The following FAM210A variants were observed in gnomAD, a reference collection of about 807,000 sequenced individuals.
FAM210A encodes mitochondrial inner membrane scaffold 1, also known as family with sequence similarity 210 member A.
Under a neutral mutation model 25.3 loss-of-function variants are expected in FAM210A, and 13 were observed. The observed-to-expected ratio is 0.51, with a 90% confidence interval of 0.33 to 0.82. The LOEUF (loss-of-function observed/expected upper bound fraction) is 0.82, where lower values mean the gene tolerates loss of function less well. Among genes scored for constraint, FAM210A ranks in the 40% least tolerant of loss-of-function variants. The probability of loss-of-function intolerance (pLI) is 0.02; values close to 1 mark genes in which losing one functional copy is unlikely to be tolerated. For missense variants in FAM210A, 319 were observed against 323.2 expected, an observed-to-expected ratio of 0.99 and a Z score of 0.10; for synonymous variants, 125 against 118.7, an observed-to-expected ratio of 1.05 and a Z score of -0.35.
intron 2 of FAM210A, among the ~76,000 whole-genome samples, chr18:13,674,844 C>T (rs2043477655): frequency 6.9e-6 from 1 of 143,898 alleles, no homozygotes; most frequent in Admixed American, 6.9e-5. Context: ...ATTCCTGAGC[C>T]CTGGCTTCTT....
intron 1 of FAM210A, among the ~76,000 whole-genome samples, chr18:13,713,740 A>ACACACACACACACACAC (rs1450875220): frequency 1.3e-5 from 2 of 151,806 alleles, no homozygotes; most frequent in Non-Finnish European, 2.9e-5. Context: ...ACACACACAC[A>ACACACACACACACACAC]CACACACACA....
Position 13,681,844 on chromosome 18 carries a change from T to C in FAM210A, c.234A>G (p.Pro78=), listed in dbSNP as rs759972433. The change falls in exon 2 of 4, where the codon CCA becomes CCG. Residue 78 remains proline (P), a synonymous_variant. Transcript: ENST00000651643. The stretch of plus-strand genomic sequence containing the variant: ...TCCCTTGCTTATGGCGAAGGACTCC[T>C]GGTTGGGGTGGATGAGCATCCAATG... ...RRPLDAHPPQ[P]GVLRHKQGKQ... The C allele has an allele frequency of 5.6e-6, 9 of 1,614,112 alleles. No homozygotes were observed. The South Asian group carries it at 7.7e-5, about 14-fold the overall frequency.
In FAM210A at chr18:13,681,908, T is replaced by C. The variant is rs770557083; in HGVS notation, c.170A>G (p.His57Arg). ...LVQGPQKQWL[H>R]LSAAQCVAKE... ...TGCAACACACTGGGCAGCAGATAAA[T>C]GCAACCATTGTTTTTGAGGGCCTTG... The change falls in exon 2 of 4, where the codon CAT (histidine) becomes CGT (arginine). Residue 57 changes from histidine to arginine, a missense_variant. Transcript: ENST00000651643. 3 of 1,614,182 alleles carry C rather than the reference T, an allele frequency of 1.9e-6. No individual in the cohort carries two copies. The highest frequency in any genetic ancestry group is 1.1e-5 in the South Asian group (1 of 91,080).
At chr18:13,705,869 T>A (rs1319303741) in intron 1 of FAM210A, among the ~76,000 whole-genome samples, 1 of 152,224 alleles carries the variant, frequency 6.6e-6, no homozygotes, top group Non-Finnish European at 1.5e-5. Context: ...TGATGGGTCA[T>A]TTAAACATTT....
intron 1 of FAM210A, among the ~76,000 whole-genome samples, chr18:13,691,086 A>T (rs748188675): frequency 6.6e-6 from 1 of 152,228 alleles, no homozygotes; most frequent in Non-Finnish European, 1.5e-5. Flanking sequence ...TGAAAACCAT[A>T]GCACGAGAAC....
At chr18:13,725,257 C>T (rs1017641924) in intron 1 of FAM210A, among the ~76,000 whole-genome samples, 3 of 152,182 alleles carry the variant, frequency 2.0e-5, no homozygotes, top group African/African-American at 7.2e-5. Context: ...TGTCAATATT[C>T]ATGTAATGAG....
chr18:13,713,380 C>T (rs1001351302), intron 1 of FAM210A, among the ~76,000 whole-genome samples: 2 of 152,096 alleles, frequency 1.3e-5, no homozygotes, highest in Non-Finnish European at 2.9e-5. Context: ...TGATATATTT[C>T]TTCTATTCTT....
intron 1 of FAM210A, among the ~76,000 whole-genome samples, chr18:13,704,959 T>C (rs1359482647): frequency 6.6e-6 from 1 of 152,202 alleles, no homozygotes; most frequent in Non-Finnish European, 1.5e-5. Flanking sequence ...ATGGTGTCTT[T>C]TAGGAGATTC....
At chr18:13,677,618 T>C (rs1209747038) in intron 2 of FAM210A, among the ~76,000 whole-genome samples, 1 of 152,196 alleles carries the variant, frequency 6.6e-6, no homozygotes. Flanking sequence ...CCGGGCTGTC[T>C]GCTTGTGGAC....
chr18:13,706,455 A>G (rs756501063), intron 1 of FAM210A, among the ~76,000 whole-genome samples: 1 of 152,202 alleles, frequency 6.6e-6, no homozygotes, highest in Non-Finnish European at 1.5e-5. Flanking sequence ...TTCATAGATA[A>G]AACACGAAGC....
intron 1 of FAM210A, among the ~76,000 whole-genome samples, chr18:13,685,908 G>A (rs761047600): frequency 6.6e-6 from 1 of 152,094 alleles, no homozygotes; most frequent in Non-Finnish European, 1.5e-5. Flanking sequence ...AATAAGCTAA[G>A]TTACCTCCTT....
intron 2 of FAM210A, among the ~76,000 whole-genome samples, chr18:13,672,180 G>T (rs1227744348): frequency 6.6e-6 from 1 of 152,056 alleles, no homozygotes; most frequent in Non-Finnish European, 1.5e-5. Context: ...ACATCACACG[G>T]TATCTTATCG....
chr18:13,719,024 G>A (rs1177115480), intron 1 of FAM210A, among the ~76,000 whole-genome samples: 1 of 152,176 alleles, frequency 6.6e-6, no homozygotes, highest in Non-Finnish European at 1.5e-5. Context: ...TGCATTTACA[G>A]TGATGAAGAT....
At chr18:13,684,598 A>G (rs975480023) in intron 1 of FAM210A, among the ~76,000 whole-genome samples, 2 of 152,250 alleles carry the variant, frequency 1.3e-5, no homozygotes, top group African/African-American at 4.8e-5. Context: ...AGGAGGAAAG[A>G]AATTCACTCT....
intron 1 of FAM210A, among the ~76,000 whole-genome samples, chr18:13,698,351 CAAAAAAA>C (rs11464991): frequency 0.013 from 952 of 72,932 alleles, 4 homozygotes; most frequent in Admixed American, 0.024. Flanking sequence ...GACTCCATCT[CAAAAAAA>C]AAAAAAAAAA....
intron 1 of FAM210A, among the ~76,000 whole-genome samples, chr18:13,691,300 G>A (rs2043642415): frequency 6.6e-6 from 1 of 152,186 alleles, no homozygotes. Flanking sequence ...TGAAAGTGAT[G>A]GGGAGAATGA....
At chr18:13,686,576 A>G (rs1011161484) in intron 1 of FAM210A, among the ~76,000 whole-genome samples, 6 of 152,158 alleles carry the variant, frequency 3.9e-5, no homozygotes, top group African/African-American at 1.4e-4. Context: ...CTGGGTTGCA[A>G]TCCTTAGGCT....
chr18:13,666,418 T>C lies in FAM210A; in HGVS notation c.*62A>G, dbSNP rs1022292114. ...AAAAAAATAATCAGACACATGTATC[T>C]TTGCCCATAGTTTCCAAAGGGTTAA... is the stretch of plus-strand genomic sequence containing the variant. On this transcript the variant is annotated 3_prime_UTR_variant, in exon 4 of 4. Coordinates refer to ENST00000651643, the MANE Select transcript of FAM210A (RefSeq NM_152352.4). The C allele has an allele frequency of 4.2e-5, 56 of 1,335,052 alleles. No individual in the cohort carries two copies. Among genetic ancestry groups the C allele is most frequent in the Admixed American group, 2.5e-4 (12 of 48,032 alleles). 82.7% of individuals were successfully genotyped at this position (1,335,052 alleles called of 1,614,324 possible). A position where few individuals can be genotyped will look rare whatever the true frequency, so the allele number is the denominator to read the frequency against.
intron 1 of FAM210A, among the ~76,000 whole-genome samples, chr18:13,720,051 T>C (rs1375735903): frequency 6.6e-6 from 1 of 152,218 alleles, no homozygotes; most frequent in African/African-American, 2.4e-5. Flanking sequence ...GTCATTTTTC[T>C]AGTCAGGTTG....
Sources: allele counts gnomAD v4.1 joint callset (sites outside exome capture counted in the v4.1 genomes callset), GRCh38; gene constraint gnomAD v4.1.1; transcripts MANE v1.5; gene names NCBI Gene and HGNC (gene_info 2026-07-23, HGNC 2026-07-21).